Variants in EMILIN2 observed in about 807,000 individuals in gnomAD.
The protein encoded by EMILIN2 is elastin microfibril interfacer 2.
In EMILIN2, 71 loss-of-function variants were observed where a neutral mutation model predicts 87.1. The ratio of observed to expected loss-of-function variants is 0.82; its 90% CI spans 0.67 to 0.99. The LOEUF is 0.99. EMILIN2 is among the 50% of genes least tolerant of loss of function. The probability of loss-of-function intolerance (pLI) is 0.00; values close to 1 mark genes in which losing one functional copy is unlikely to be tolerated. For missense variants in EMILIN2, 1,407 were observed against 1,371.8 expected, an observed-to-expected ratio of 1.03 and a Z score of -0.40; for synonymous variants, 581 against 563.4, an observed-to-expected ratio of 1.03 and a Z score of -0.44.
intron 2 of EMILIN2, among the ~76,000 whole-genome samples, chr18:2,867,919 A>C (rs1456647425): frequency 3.4e-5 from 5 of 146,238 alleles, no homozygotes; most frequent in African/African-American, 1.3e-4. Flanking sequence ...ACTTCCCAGT[A>C]GGGGCGGCCG....
At position 2,894,257 on chromosome 18, in the gene EMILIN2, G is replaced by T. The variant is rs115747147; in HGVS notation, c.2359+1771G>T. On this transcript the variant is annotated intron_variant, in intron 4 of 7. Transcript: ENST00000254528. The surrounding 1 kb of genome is among the most constrained non-coding windows in gnomAD (Gnocchi z 5.0). ...CAGCTCAGGAGGGTGGAGAGGGTCC[G>T]AGGTAGGTGGGAAAATGCCCTGGAT... Among the ~76,000 whole-genome samples the T allele has an allele frequency of 2.0e-5, 3 of 152,128 alleles. No individual in the cohort carries two copies. The highest frequency in any genetic ancestry group is 4.4e-5 in the Non-Finnish European group (3 of 67,992).
At position 2,907,028 on chromosome 18, in the gene EMILIN2, G is replaced by C; in HGVS notation, c.2605G>C (p.Asp869His). ...TGGGCGGGGTCTGCCGCGGGGCGTG[G>C]ACGGCCAGACCGGGAGCGGCACCGT... ...VSGRGLPRGVDGQTGSGTVPG... is the reference protein window; with the variant it reads ...VSGRGLPRGVHGQTGSGTVPG... Residue 869 changes from aspartate to histidine, a missense_variant, in exon 5 of 8, where the codon GAC (aspartate) becomes CAC (histidine). Transcript: ENST00000254528. 2.3e-6 allele frequency: 3 copies of C among 1,306,168 alleles called. No individual in the cohort carries two copies. Among genetic ancestry groups the C allele is most frequent in the Non-Finnish European group, 2.9e-6 (3 of 1,032,418 alleles). 80.9% of individuals were successfully genotyped at this position (1,306,168 alleles called of 1,614,324 possible).
intron 2 of EMILIN2, among the ~76,000 whole-genome samples, chr18:2,866,164 G>C (rs978767958): frequency 6.6e-6 from 1 of 152,202 alleles, no homozygotes; most frequent in East Asian, 1.9e-4. Flanking sequence ...TCCTGGGTGA[G>C]GCAATGCCTC....
chr18:2,865,583 A>G (rs1399478240), intron 2 of EMILIN2, among the ~76,000 whole-genome samples: 2 of 152,180 alleles, frequency 1.3e-5, no homozygotes, highest in African/African-American at 4.8e-5. Flanking sequence ...TTTGTCTCAG[A>G]GGAGCACCTG....
intron 3 of EMILIN2, among the ~76,000 whole-genome samples, chr18:2,889,155 T>TTTTTTTCA (rs2076819780): frequency 8.0e-6 from 1 of 125,082 alleles, no homozygotes; most frequent in African/African-American, 3.0e-5. Context: ...TTTTTTTTTT[T>TTTTTTTCA]GAGACAGGGT....
rs1254311882 is a variant in EMILIN2, at chr18:2,880,967, A to G, written c.258-3997A>G. On this transcript the variant is annotated intron_variant, in intron 2 of 7. Transcript: ENST00000254528. This position sits in a 1 kb window ranked among gnomAD's most constrained non-coding sequence, Gnocchi z 4.1. The stretch of plus-strand genomic sequence containing the variant: ...TGGCATTTTCTAAAGCTCACTAGCT[A>G]TTTTCCTGCAGTGCCTTGGGTGATG... Among the ~76,000 whole-genome samples the G allele has an allele frequency of 2.0e-5, 3 of 152,132 alleles. No individual in the cohort carries two copies. Among genetic ancestry groups the G allele is most frequent in the Non-Finnish European group, 4.4e-5 (3 of 68,018 alleles).
chr18:2,908,939 T>C lies in EMILIN2; in HGVS notation c.2663-4T>C. The C allele has an allele frequency of 1.2e-6, 2 of 1,613,712 alleles. No individual in the cohort carries two copies. Among genetic ancestry groups the C allele is most frequent in the Non-Finnish European group, 8.5e-7 (1 of 1,180,024 alleles). On this transcript the variant is annotated splice_polypyrimidine_tract_variant and splice_region_variant and intron_variant, in intron 5 of 7. Transcript: ENST00000254528. ...TGACATGCCATTTCCTTTCTGTTTT[T>C]CAGGATACCCGAAGTCACCTCCTGT...
chr18:2,909,677 T>A lies in EMILIN2; in HGVS notation c.2696-14T>A. ...GCACCCGGGTCAATCCATTCCATCC[T>A]TTCTCTGCTCCAGGAGCTCCGGTGC... On this transcript the variant is annotated splice_polypyrimidine_tract_variant and intron_variant, in intron 6 of 7. Coordinates refer to ENST00000254528, the MANE Select transcript of EMILIN2 (RefSeq NM_032048.3). The A allele has an allele frequency of 6.2e-7, 1 of 1,613,398 alleles. No homozygotes were observed. Among genetic ancestry groups the A allele is most frequent in the Non-Finnish European group, 8.5e-7 (1 of 1,179,626 alleles).
At chr18:2,855,962 T>C (rs548960851) in intron 2 of EMILIN2, among the ~76,000 whole-genome samples, 134 of 152,336 alleles carry the variant, frequency 8.8e-4, no homozygotes, top group Middle Eastern at 6.8e-3. Flanking sequence ...CTTTGAGGAC[T>C]TTGGGTTTGA....
Position 2,906,986 on chromosome 18 carries a change from G to A in EMILIN2, c.2563G>A (p.Ala855Thr), listed in dbSNP as rs924932930. The change falls in exon 5 of 8, where the codon GCA (alanine) becomes ACA (threonine). Residue 855 changes from alanine (A) to threonine (T), a missense_variant. Physicochemically the swap from Ala to Thr is moderately conservative, Grantham distance 58. Transcript: ENST00000254528. ...GGAGACGGGCCAGGCCGGGCCCCCC[G>A]CAGGCGCAGGCGTGTCTGGGCGGGG... Reference protein sequence around the residue: ...IAETGQAGPPAGAGVSGRGLP... With the variant: ...IAETGQAGPPTGAGVSGRGLP... 96 of 1,375,260 alleles carry A rather than the reference G, an allele frequency of 7.0e-5. No homozygotes were observed. Among genetic ancestry groups the A allele is most frequent in the Admixed American group, 2.6e-4 (9 of 34,754 alleles). The allele number at this position is 1,375,260 out of a possible 1,614,324, so 85.2% of individuals were successfully genotyped here.
At chr18:2,872,393 A>T (rs1460893769) in intron 2 of EMILIN2, among the ~76,000 whole-genome samples, 7 of 152,246 alleles carry the variant, frequency 4.6e-5, no homozygotes, top group Non-Finnish European at 5.9e-5. Context: ...TGGTTTTTTT[A>T]AAATAAAAAA....
Position 2,890,985 on chromosome 18 carries a change from A to C in EMILIN2, c.858A>C (p.Lys286Asn). Residue 286 changes from lysine (K) to asparagine (N), a missense_variant, in exon 4 of 8, where the codon AAA (lysine) becomes AAC (asparagine). Physicochemically the swap from Lys to Asn is moderately conservative, Grantham distance 94. Transcript: ENST00000254528. The surrounding 1 kb of genome is among the most constrained non-coding windows in gnomAD (Gnocchi z 4.7). ...KSDKLEELDG[K>N]VKGYEGQLRQ... is the part of the protein sequence containing the mutation. ...ACAAGCTGGAAGAGCTGGATGGAAA[A>C]GTGAAGGGCTACGAAGGGCAGCTCA... The C allele has an allele frequency of 1.9e-6, 3 of 1,614,214 alleles. No homozygotes were observed. The highest frequency in any genetic ancestry group is 2.5e-6 in the Non-Finnish European group (3 of 1,180,044).
chr18:2,913,530 T>G lies in EMILIN2; in HGVS notation c.*126T>G, dbSNP rs1177906898. 6 of 750,888 alleles carry G rather than the reference T, an allele frequency of 8.0e-6. No homozygotes were observed. The East Asian group carries it at 8.3e-5, about 10-fold the overall frequency. 46.5% of individuals were successfully genotyped at this position (750,888 alleles called of 1,614,324 possible). A position where few individuals can be genotyped will look rare whatever the true frequency, so the allele number is the denominator to read the frequency against. On this transcript the variant is annotated 3_prime_UTR_variant, in exon 8 of 8. Transcript: ENST00000254528. Reference sequence around the variant, plus strand: ...CCACATAGGCCCCAACATAAAGGCCTTCCCTCGCTGTTGAGGCCACCATGC... The same window carrying G: ...CCACATAGGCCCCAACATAAAGGCCGTCCCTCGCTGTTGAGGCCACCATGC...
chr18:2,907,753 C>T (rs2076921636), intron 5 of EMILIN2, among the ~76,000 whole-genome samples: 1 of 152,214 alleles, frequency 6.6e-6, no homozygotes, highest in Non-Finnish European at 1.5e-5. Flanking sequence ...CTGCAGCCCT[C>T]CCAATGGCAC....
chr18:2,858,583 G>GTGTGTGTGTGTATATATA (rs1180735843), intron 2 of EMILIN2, among the ~76,000 whole-genome samples: 18 of 63,034 alleles, frequency 2.9e-4, no homozygotes, highest in African/African-American at 1.3e-3. Flanking sequence ...GTGTGTGTGT[G>GTGTGTGTGTGTATATATA]TATATATATA....
rs558218396 is a variant in EMILIN2, at chr18:2,870,307, G to A, written c.258-14657G>A. ...TTTCACATTTATAGCCCTGGAAAATGTTGGATTAAGGATTCATAATTAGCA... is the reference window on the plus strand; with the variant it reads ...TTTCACATTTATAGCCCTGGAAAATATTGGATTAAGGATTCATAATTAGCA... On this transcript the variant is annotated intron_variant, in intron 2 of 7. Coordinates refer to ENST00000254528, the MANE Select transcript of EMILIN2 (RefSeq NM_032048.3). 1.3e-4 allele frequency among the ~76,000 whole-genome samples: 20 copies of A among 152,336 alleles called. No individual in the cohort carries two copies. The East Asian group carries it at 2.5e-3, about 19-fold the overall frequency.
At chr18:2,870,876 CCT>C (rs1400408103) in intron 2 of EMILIN2, among the ~76,000 whole-genome samples, 1 of 152,178 alleles carries the variant, frequency 6.6e-6, no homozygotes, top group African/African-American at 2.4e-5. Flanking sequence ...CCGTCTTCTC[CCT>C]GTGTCTCTTC....
chr18:2,858,541 A>ATGTG (rs1402445927), intron 2 of EMILIN2, among the ~76,000 whole-genome samples: 1 of 37,292 alleles, frequency 2.7e-5, no homozygotes, highest in African/African-American at 1.7e-4. Flanking sequence ...ATATATATAT[A>ATGTG]TATATATATA....
At chr18:2,870,602 G>T (rs889082549) in intron 2 of EMILIN2, among the ~76,000 whole-genome samples, 3 of 152,250 alleles carry the variant, frequency 2.0e-5, no homozygotes, top group African/African-American at 7.2e-5. Context: ...GGTGTTCAGA[G>T]GTAGAAGAAA....
Sources: gnomAD v4.1 joint callset for allele counts (sites outside exome capture counted in the v4.1 genomes callset) on GRCh38, gnomAD v4.1.1 for gene constraint, Gnocchi (gnomAD v3.1) non-coding constraint, MANE v1.5 for transcripts, NCBI Gene and HGNC (gene_info 2026-07-23, HGNC 2026-07-21) for gene names.